Variants in PTPRO observed in about 807,000 individuals in gnomAD.
PTPRO encodes the protein protein tyrosine phosphatase receptor type O.
A neutral mutation model predicts 145.2 loss-of-function variants in PTPRO; 62 were observed. That is an observed-to-expected ratio of 0.43 (90% CI 0.35 to 0.53). The LOEUF is 0.53. Among genes scored for constraint, PTPRO ranks in the 20% least tolerant of loss-of-function variants. PTPRO has a pLI of 0.01. For synonymous variants in PTPRO, 565 were observed against 514.7 expected, an observed-to-expected ratio of 1.10 and a Z score of -1.32; for missense variants, 1,345 against 1,482.7, an observed-to-expected ratio of 0.91 and a Z score of 1.53.
intron 4 of PTPRO, 103 bp downstream of exon 4, chr12:15,499,697 A>G: frequency 7.6e-7 from 1 of 1,310,842 alleles, no homozygotes; most frequent in East Asian, 2.5e-5. Flanking sequence ...AGAGCAAAGA[A>G]AGAAAATATA....
intron 18 of PTPRO, among the ~76,000 whole-genome samples, chr12:15,568,770 CT>C (rs546335404): frequency 6.8e-4 from 103 of 152,296 alleles, no homozygotes; most frequent in African/African-American, 2.4e-3. Context: ...CATTTCCATA[CT>C]TTTATAGATA....
intron 1 of PTPRO, among the ~76,000 whole-genome samples, chr12:15,382,083 C>A (rs1938879030): frequency 1.3e-5 from 2 of 150,422 alleles, no homozygotes; most frequent in Admixed American, 6.6e-5. Context: ...AGCTTATTGG[C>A]CATTATTTTA....
At chr12:15,547,997 T>C (rs1458145670) in intron 13 of PTPRO, among the ~76,000 whole-genome samples, 2 of 152,190 alleles carry the variant, frequency 1.3e-5, no homozygotes, top group Non-Finnish European at 2.9e-5. Flanking sequence ...AAGTTAATAC[T>C]AAATGTTTCT....
At chr12:15,504,217 T>C in intron 6 of PTPRO, 148 bp downstream of exon 6, 1 of 874,106 alleles carries the variant, frequency 1.1e-6, no homozygotes, top group South Asian at 1.6e-5. Flanking sequence ...TCCACAAGCT[T>C]TGGATAGCAG....
intron 1 of PTPRO, among the ~76,000 whole-genome samples, chr12:15,355,099 T>A (rs1488030193): frequency 6.6e-6 from 1 of 152,122 alleles, no homozygotes; most frequent in African/African-American, 2.4e-5. Context: ...ATCACACCGA[T>A]TAAGATGAAT....
At chr12:15,513,197 GAAAGAAAGAA>G (rs1297523796) in intron 7 of PTPRO, among the ~76,000 whole-genome samples, 1,494 of 103,726 alleles carry the variant, frequency 0.014, 143 homozygotes, top group African/African-American at 0.04. Flanking sequence ...AAGAAAGAAA[GAAAGAAAGAA>G]AGAAAGAAAG....
chr12:15,570,106 A>G (rs1266713370), intron 19 of PTPRO, among the ~76,000 whole-genome samples: 1 of 152,212 alleles, frequency 6.6e-6, no homozygotes, highest in Non-Finnish European at 1.5e-5. Flanking sequence ...ATTTCTTTGG[A>G]TCTAAAACCA....
chr12:15,425,887 T>G (rs912771343), intron 1 of PTPRO, among the ~76,000 whole-genome samples: 7 of 152,038 alleles, frequency 4.6e-5, no homozygotes, highest in African/African-American at 1.7e-4. Flanking sequence ...ACTGTTCTCA[T>G]TTATTTATAA....
intron 4 of PTPRO, among the ~76,000 whole-genome samples, chr12:15,501,255 G>A (rs924527107): frequency 2.1e-5 from 3 of 142,830 alleles, no homozygotes; most frequent in Admixed American, 7.3e-5. Flanking sequence ...TGGTTTTTTT[G>A]TAATAAAAAT....
At chr12:15,479,518 G>A (rs1221468610) in intron 1 of PTPRO, among the ~76,000 whole-genome samples, 1 of 152,168 alleles carries the variant, frequency 6.6e-6, no homozygotes, top group African/African-American at 2.4e-5. Flanking sequence ...GAGACACTAG[G>A]TTTCTTGATC....
chr12:15,516,344 A>G (rs1942585556), intron 8 of PTPRO, among the ~76,000 whole-genome samples: 1 of 150,268 alleles, frequency 6.7e-6, no homozygotes, highest in Non-Finnish European at 1.5e-5. Flanking sequence ...CTCAAAAAAA[A>G]AAAAAGAAAA....
At chr12:15,525,505 C>T (rs1298839746) in intron 11 of PTPRO, among the ~76,000 whole-genome samples, 1 of 152,198 alleles carries the variant, frequency 6.6e-6, no homozygotes, top group Admixed American at 6.5e-5. Flanking sequence ...GAGGCAAATT[C>T]TGTTTTGTTG....
intron 25 of PTPRO, among the ~76,000 whole-genome samples, chr12:15,590,510 T>C (rs7313372): frequency 0.043 from 6,567 of 152,234 alleles, 443 homozygotes; most frequent in African/African-American, 0.15. Flanking sequence ...TCCTCATGCT[T>C]TTCCTACCCA....
chr12:15,417,550 A>G (rs1188637589), intron 1 of PTPRO, among the ~76,000 whole-genome samples: 1 of 151,732 alleles, frequency 6.6e-6, no homozygotes, highest in African/African-American at 2.4e-5. Flanking sequence ...GAAGCTTACT[A>G]GAAATGTAGA....
chr12:15,356,021 C>T (rs1208138923), intron 1 of PTPRO, among the ~76,000 whole-genome samples: 2 of 152,100 alleles, frequency 1.3e-5, no homozygotes, highest in Non-Finnish European at 2.9e-5. Flanking sequence ...TGGAGTGTTG[C>T]CTGAGATTGT....
At chr12:15,461,139 G>A (rs568303512) in intron 1 of PTPRO, among the ~76,000 whole-genome samples, 5 of 152,040 alleles carry the variant, frequency 3.3e-5, no homozygotes, top group Non-Finnish European at 2.9e-5. Context: ...CTAACTGAAG[G>A]TTTCCTCTGC....
intron 17 of PTPRO, among the ~76,000 whole-genome samples, chr12:15,564,048 A>G (rs555150004): frequency 1.4e-4 from 22 of 152,340 alleles, no homozygotes; most frequent in African/African-American, 5.3e-4. Flanking sequence ...AGATACAGCT[A>G]TGTCCAACAT....
chr12:15,433,007 A>G (rs1025293173), intron 1 of PTPRO, among the ~76,000 whole-genome samples: 3 of 151,374 alleles, frequency 2.0e-5, no homozygotes, highest in African/African-American at 4.9e-5. Flanking sequence ...TGTTGTTGTT[A>G]TTGTTTTTGC....
At position 15,581,773 on chromosome 12, in the gene PTPRO, G is replaced by T. The variant is rs370864539; in HGVS notation, c.3227G>T (p.Trp1076Leu). The T allele has an allele frequency of 1.2e-6, 2 of 1,613,982 alleles. No individual in the cohort carries two copies. Among genetic ancestry groups the T allele is most frequent in the Non-Finnish European group, 1.7e-6 (2 of 1,179,918 alleles). The change falls in exon 23 of 27, where the codon TGG (tryptophan) becomes TTG (leucine). Residue 1076 changes from tryptophan to leucine, a missense_variant. By Grantham distance (61) the Trp-to-Leu change is moderately conservative. Around this residue, in one of 3 missense-constraint regions of PTPRO, gnomAD observed 208 missense variants for 242.8 expected, o/e 0.86. Transcript: ENST00000281171. ...ATTTCAGAGGAAGAGCAGGACGACT[G>T]GGCCTGTAGACACTTCCGGATCAAC... The part of the protein sequence containing the change: ...EMISEEEQDD[W>L]ACRHFRINYA...
Sources: allele counts gnomAD v4.1 joint callset (sites outside exome capture counted in the v4.1 genomes callset), GRCh38; gene constraint gnomAD v4.1.1; regional missense constraint gnomAD v4.1.1; transcripts MANE v1.5; gene names NCBI Gene and HGNC (gene_info 2026-07-23, HGNC 2026-07-21).